Variants in USP45 observed in about 807,000 individuals in gnomAD.
USP45 encodes ubiquitin carboxyl-terminal hydrolase 45.
In USP45, 89 loss-of-function variants were observed where a neutral mutation model predicts 95.8. That is an observed-to-expected ratio of 0.93 (90% confidence interval 0.78 to 1.11). USP45 has a LOEUF of 1.11. USP45 is among the 50% of genes least tolerant of loss of function. USP45 has a pLI of 0.00. For synonymous variants in USP45, 281 were observed against 316.2 expected (o/e 0.89, Z 1.18); for missense variants, 898 against 942.5 (o/e 0.95, Z 0.62).
chr6:99,455,964 C>G (rs939501555), intron 13 of USP45, among the ~76,000 whole-genome samples: 4 of 150,556 alleles, frequency 2.7e-5, no homozygotes, highest in Admixed American at 1.3e-4. Context: ...GAAACCCTGT[C>G]TCTACTGAAA....
intron 1 of USP45, chr6:99,514,959 A>ATGCGGACCCAAGCAG (rs1329812311): frequency 6.6e-6 from 1 of 152,214 alleles, no homozygotes; most frequent in African/African-American, 2.4e-5. Flanking sequence ...GTGGATGGAG[A>ATGCGGACCCAAGCAG]TGCGGACCCA....
intron 5 of USP45, among the ~76,000 whole-genome samples, chr6:99,491,256 G>C (rs1197517310): frequency 6.6e-6 from 1 of 152,196 alleles, no homozygotes; most frequent in Non-Finnish European, 1.5e-5. Context: ...GAAGAGGCCA[G>C]GTAGTTTTCA....
At position 99,509,007 on chromosome 6, in the gene USP45, C is replaced by T. The variant is rs192852308; in HGVS notation, c.101-225G>A. Among the ~76,000 whole-genome samples the T allele has an allele frequency of 2.8e-4, 43 of 152,188 alleles. 1 individual carries two copies. In the East Asian group the frequency reaches 5.2e-3, roughly 18 times the overall value. ...ATTCATGGTTGTAGGGAGCAATGGACGCAAGGCAGAGGGTGTTGCTATAAA... is the reference window on the plus strand; with the variant it reads ...ATTCATGGTTGTAGGGAGCAATGGATGCAAGGCAGAGGGTGTTGCTATAAA... On this transcript the variant is annotated intron_variant, in intron 2 of 17. Coordinates refer to ENST00000500704, the MANE Select transcript of USP45 (RefSeq NM_001346022.3).
intron 13 of USP45, among the ~76,000 whole-genome samples, chr6:99,464,107 G>C (rs889705004): frequency 9.2e-5 from 14 of 152,158 alleles, no homozygotes; most frequent in Non-Finnish European, 1.6e-4. Context: ...AGGAGTTCGA[G>C]ACCAGCCTGA....
At chr6:99,497,978 A>C (rs1796659274) in intron 5 of USP45, among the ~76,000 whole-genome samples, 1 of 152,232 alleles carries the variant, frequency 6.6e-6, no homozygotes, top group Non-Finnish European at 1.5e-5. Flanking sequence ...TTCTAAATAG[A>C]ATTGGCCTGA....
chr6:99,493,348 G>A (rs1302465390), intron 5 of USP45, among the ~76,000 whole-genome samples: 2 of 152,008 alleles, frequency 1.3e-5, no homozygotes, highest in Non-Finnish European at 2.9e-5. Context: ...TATGATAACT[G>A]TAATATCTCA....
Position 99,448,037 on chromosome 6 carries a change from C to G in USP45, c.1309-1574G>C, listed in dbSNP as rs139306999. Among the ~76,000 whole-genome samples, 1,425 of 152,306 alleles carry G rather than the reference C, an allele frequency of 9.4e-3. 18 individuals carry two copies. Among genetic ancestry groups the G allele is most frequent in the South Asian group, 0.014 (69 of 4,828 alleles). The stretch of plus-strand genomic sequence containing the variant: ...CAGGACATCCACACCAAAACCCCAT[C>G]TGTCAGTCACCATCATCAAAGACCA... On this transcript the variant is annotated intron_variant, in intron 13 of 17. Coordinates refer to ENST00000500704, the MANE Select transcript of USP45 (RefSeq NM_001346022.3).
At chr6:99,454,577 A>C (rs1784591924) in intron 13 of USP45, among the ~76,000 whole-genome samples, 1 of 152,206 alleles carries the variant, frequency 6.6e-6, no homozygotes, top group Admixed American at 6.5e-5. Flanking sequence ...CATTTCCCAA[A>C]AGAAGACATC....
At chr6:99,477,753 T>C (rs1243906068) in intron 8 of USP45, among the ~76,000 whole-genome samples, 1 of 152,202 alleles carries the variant, frequency 6.6e-6, no homozygotes, top group Non-Finnish European at 1.5e-5. Context: ...ACTCCAGACA[T>C]TCTTGCTAAC....
At chr6:99,455,438 G>C (rs1056598983) in intron 13 of USP45, among the ~76,000 whole-genome samples, 1 of 148,892 alleles carries the variant, frequency 6.7e-6, no homozygotes, top group Non-Finnish European at 1.5e-5. Context: ...GCGATGGAGC[G>C]AGACTCTGTC....
intron 1 of USP45, among the ~76,000 whole-genome samples, chr6:99,514,049 A>T (rs1800540324): frequency 6.6e-6 from 1 of 152,204 alleles, no homozygotes; most frequent in Admixed American, 6.5e-5. Flanking sequence ...ACCTTTATAC[A>T]AATTTACAAA....
At chr6:99,469,492 T>TAA (rs1562361411) in intron 9 of USP45, among the ~76,000 whole-genome samples, 16 of 95,648 alleles carry the variant, frequency 1.7e-4, no homozygotes, top group Non-Finnish European at 3.7e-4. Flanking sequence ...ATATATTTTT[T>TAA]TTTTTTTTGA....
At position 99,446,139 on chromosome 6, in the gene USP45, T is replaced by C; in HGVS notation, c.1633A>G (p.Thr545Ala). ...YPLSAGKLLY[T>A]KETDSGDKEM... is the part of the protein sequence containing the mutation. Reference sequence around the variant, plus strand: ...TTATCACCACTGTCAGTCTCCTTGGTGTACAGCAGTTTACCTGCTGACAGA... The same window carrying C: ...TTATCACCACTGTCAGTCTCCTTGGCGTACAGCAGTTTACCTGCTGACAGA... The change falls in exon 14 of 18, where the codon ACC becomes GCC. Residue 545 changes from threonine to alanine, a missense_variant. Transcript: ENST00000500704. The C allele has an allele frequency of 6.2e-7, 1 of 1,614,190 alleles. No individual in the cohort carries two copies. The highest frequency in any genetic ancestry group is 1.3e-5 in the African/African-American group (1 of 75,070).
In USP45 at chr6:99,469,308, A is replaced by C. The variant is rs1055278685; in HGVS notation, c.934-690T>G. Among the ~76,000 whole-genome samples, 4 of 151,788 alleles carry C rather than the reference A, an allele frequency of 2.6e-5. No homozygotes were observed. In the South Asian group the frequency reaches 8.3e-4, roughly 31 times the overall value. On this transcript the variant is annotated intron_variant, in intron 9 of 17. Transcript: ENST00000500704. ...ATCTCACAGAAAAGTTTCAGAATAA[A>C]ACTACATACTCCAAGAATAAAACTT...
At position 99,466,722 on chromosome 6, in the gene USP45, T is replaced by G; in HGVS notation, c.1057A>C (p.Ile353Leu). ...GTGCTAGTTAATTCACCAATAAAGA[T>G]CCGATCTATGAAGTTCATTTTCACA... is the stretch of plus-strand genomic sequence containing the variant. ...EGVKMNFIDRIFIGELTSTVM... is the reference protein window; with the variant it reads ...EGVKMNFIDRLFIGELTSTVM... The change falls in exon 11 of 18, where the codon ATC becomes CTC. Residue 353 changes from isoleucine to leucine, a missense_variant. Transcript: ENST00000500704. The G allele has an allele frequency of 6.2e-7, 1 of 1,613,594 alleles. No homozygotes were observed. Among genetic ancestry groups the G allele is most frequent in the South Asian group, 1.1e-5 (1 of 91,060 alleles).
intron 1 of USP45, among the ~76,000 whole-genome samples, chr6:99,513,685 A>G (rs182610554): frequency 1.3e-5 from 2 of 152,210 alleles, no homozygotes; most frequent in Admixed American, 6.5e-5. Context: ...CACTGACTCA[A>G]AATTAACTTG....
chr6:99,491,823 AT>A (rs1479178649), intron 5 of USP45, among the ~76,000 whole-genome samples: 1 of 152,022 alleles, frequency 6.6e-6, no homozygotes, highest in East Asian at 1.9e-4. Context: ...TTGCCACAAT[AT>A]TTTTTAGCTT....
chr6:99,510,779 T>C (rs1473104382), intron 1 of USP45, among the ~76,000 whole-genome samples: 1 of 152,212 alleles, frequency 6.6e-6, no homozygotes. Context: ...TAATTTGCTA[T>C]ACCAGGCTGA....
In USP45 at chr6:99,503,808, C is replaced by G. The variant is rs1797922493; in HGVS notation, c.435G>C (p.Gln145His). 2 of 1,602,914 alleles carry G rather than the reference C, an allele frequency of 1.2e-6. No individual in the cohort carries two copies. The highest frequency in any genetic ancestry group is 1.7e-6 in the Non-Finnish European group (2 of 1,174,828). The change falls in exon 5 of 18, where the codon CAG (glutamine) becomes CAC (histidine). Residue 145 changes from glutamine (Q) to histidine (H), a missense_variant. Coordinates refer to ENST00000500704, the MANE Select transcript of USP45 (RefSeq NM_001346022.3). Reference protein sequence around the residue: ...STHCNKKVLAQIVDFLQKHAS... With the variant: ...STHCNKKVLAHIVDFLQKHAS... ...CATGTTTCTGGAGAAAATCAACTAT[C>G]TGAGCCAAAACCTTCTTATTACAAT...
Sources: allele counts gnomAD v4.1 joint callset (sites outside exome capture counted in the v4.1 genomes callset), GRCh38; gene constraint gnomAD v4.1.1; transcripts MANE v1.5; gene names NCBI Gene and HGNC (gene_info 2026-07-23, HGNC 2026-07-21).